Variants in ASB1 observed in about 807,000 individuals in gnomAD.
ASB1 encodes ankyrin repeat and SOCS box protein 1.
ASB1 carries 18 observed loss-of-function variants against 27.7 expected under a neutral mutation model. That is an observed-to-expected ratio of 0.65 (90% confidence interval 0.45 to 0.96). The LOEUF (loss-of-function observed/expected upper bound fraction) is 0.96. ASB1 is among the 50% of genes least tolerant of loss of function. ASB1 has a pLI of 0.00. For missense variants in ASB1, 397 were observed against 451.7 expected (o/e 0.88, Z 1.10); for synonymous variants, 189 against 187.6 (o/e 1.01, Z -0.06).
At chr2:238,431,345 T>C (rs1325603035) in intron 1 of ASB1, among the ~76,000 whole-genome samples, 1 of 152,216 alleles carries the variant, frequency 6.6e-6, no homozygotes, top group Non-Finnish European at 1.5e-5. Context: ...TCAGGCTTCA[T>C]AGAATTGGAG....
At chr2:238,444,774 A>G (rs762971450) in intron 4 of ASB1, 47 bp downstream of exon 4, 9 of 1,517,824 alleles carry the variant, frequency 5.9e-6, no homozygotes, top group Admixed American at 2.2e-5. Context: ...GGTTGATTGA[A>G]TGAATCAAGA....
intron 3 of ASB1, among the ~76,000 whole-genome samples, chr2:238,441,091 G>A (rs968646726): frequency 1.3e-5 from 2 of 152,140 alleles, no homozygotes; most frequent in Admixed American, 6.5e-5. Context: ...GCATCATGGC[G>A]CCAGCTGGAT....
chr2:238,450,575 C>G lies in ASB1; in HGVS notation c.*4064C>G, dbSNP rs1336280250. On this transcript the variant is annotated 3_prime_UTR_variant, in exon 5 of 5. Coordinates refer to ENST00000264607, the MANE Select transcript of ASB1 (RefSeq NM_001040445.3). ...ATTGGTGAGAAATTCCTCTTGGGTT[C>G]TTGAACAGCCTGTACGCTGGCAGGC... is the stretch of plus-strand genomic sequence containing the variant. The G allele has an allele frequency of 1.3e-5, 2 of 152,254 alleles. No homozygotes were observed. The highest frequency in any genetic ancestry group is 1.3e-4 in the Admixed American group (2 of 15,288). 9.4% of individuals were successfully genotyped at this position (152,254 alleles called of 1,614,324 possible). A position where few individuals can be genotyped will look rare whatever the true frequency, so the allele number is the denominator to read the frequency against.
chr2:238,434,538 CAAGAA>C (rs1354843365), intron 2 of ASB1, among the ~76,000 whole-genome samples: 1 of 152,212 alleles, frequency 6.6e-6, no homozygotes, highest in Non-Finnish European at 1.5e-5. Context: ...GCATAGTTCC[CAAGAA>C]AAGGATTTCT....
chr2:238,437,184 A>G (rs1175699297), intron 3 of ASB1, among the ~76,000 whole-genome samples: 1 of 151,296 alleles, frequency 6.6e-6, no homozygotes, highest in Non-Finnish European at 1.5e-5. Flanking sequence ...TTCTTCTTAT[A>G]TGTTGTTTTT....
chr2:238,427,012 C>G lies in ASB1; in HGVS notation c.-59C>G. On this transcript the variant is annotated 5_prime_UTR_variant, in exon 1 of 5. Coordinates refer to ENST00000264607, the MANE Select transcript of ASB1 (RefSeq NM_001040445.3). ...GCGCCGGAAGTGGTCGCGGGTCGTT[C>G]TGCTTCCTGCCCGAGGGGCGTGCGC... 1 of 1,221,656 alleles carries G rather than the reference C, an allele frequency of 8.2e-7. No homozygotes were observed. Among genetic ancestry groups the G allele is most frequent in the Non-Finnish European group, 1.0e-6 (1 of 977,530 alleles). 75.7% of individuals were successfully genotyped at this position (1,221,656 alleles called of 1,614,324 possible).
intron 3 of ASB1, among the ~76,000 whole-genome samples, chr2:238,442,590 T>A (rs1702099470): frequency 6.6e-6 from 1 of 152,250 alleles, no homozygotes; most frequent in Non-Finnish European, 1.5e-5. Flanking sequence ...AAAATTTTCA[T>A]GTTAAAAACA....
intron 1 of ASB1, among the ~76,000 whole-genome samples, chr2:238,429,637 T>C (rs533749602): frequency 5.9e-5 from 9 of 152,272 alleles, no homozygotes; most frequent in Admixed American, 4.6e-4. Context: ...TATGATCTAT[T>C]AAGAGTGTAA....
chr2:238,436,957 C>G (rs946491155), intron 3 of ASB1, among the ~76,000 whole-genome samples: 1 of 152,150 alleles, frequency 6.6e-6, no homozygotes, highest in African/African-American at 2.4e-5. Context: ...TCTATCAAAA[C>G]AAGAGTACTA....
chr2:238,436,743 T>C (rs1701979256), intron 3 of ASB1, among the ~76,000 whole-genome samples: 1 of 148,994 alleles, frequency 6.7e-6, no homozygotes, highest in South Asian at 2.1e-4. Context: ...TGTTTACATA[T>C]TATACTTTGT....
At chr2:238,444,881 C>T (rs2106410354) in intron 4 of ASB1, among the ~76,000 whole-genome samples, 154 bp downstream of exon 4, 1 of 152,064 alleles carries the variant, frequency 6.6e-6, no homozygotes. Context: ...TCAGATTGAT[C>T]TTCTCTTTTT....
chr2:238,434,548 A>T (rs1375595727), intron 2 of ASB1, among the ~76,000 whole-genome samples: 1 of 152,230 alleles, frequency 6.6e-6, no homozygotes, highest in Non-Finnish European at 1.5e-5. Context: ...CAAGAAAAGG[A>T]TTTCTAACAG....
intron 3 of ASB1, among the ~76,000 whole-genome samples, chr2:238,439,718 G>A (rs1272657441): frequency 2.0e-5 from 3 of 152,150 alleles, no homozygotes; most frequent in African/African-American, 4.8e-5. Flanking sequence ...GGCAGGAATC[G>A]CAAAGGGAGG....
rs571770869 is a variant in ASB1 at position 238,429,577 on chromosome 2, A to G, written c.49+2458A>G. On this transcript the variant is annotated intron_variant, in intron 1 of 4. Coordinates refer to ENST00000264607, the MANE Select transcript of ASB1 (RefSeq NM_001040445.3). ...TGAATACTGCAGTAAACCAAGTCAC[A>G]TGAAATTTTTGGTTTCCCAGTGCAT... Among the ~76,000 whole-genome samples the G allele has an allele frequency of 7.2e-5, 11 of 152,304 alleles. No individual in the cohort carries two copies. In the South Asian group the frequency reaches 2.3e-3, roughly 32 times the overall value.
chr2:238,449,153 A>G lies in ASB1; in HGVS notation c.*2642A>G, dbSNP rs1054007750. ...GAATCTGAAAACAGGGTGGGTAGCT[A>G]AGGTCATTCCTCCTGGGTTTTAGTG... is the stretch of plus-strand genomic sequence containing the variant. On this transcript the variant is annotated 3_prime_UTR_variant, in exon 5 of 5. Transcript: ENST00000264607. The G allele has an allele frequency of 2.1e-4, 32 of 152,366 alleles. No individual in the cohort carries two copies. The highest frequency in any genetic ancestry group is 6.0e-4 in the African/African-American group (25 of 41,574). The allele number at this position is 152,366 out of a possible 1,614,324, so 9.4% of individuals were successfully genotyped here. A position where few individuals can be genotyped will look rare whatever the true frequency, so the allele number is the denominator to read the frequency against.
chr2:238,429,068 G>A (rs1038110191), intron 1 of ASB1, among the ~76,000 whole-genome samples: 5 of 152,222 alleles, frequency 3.3e-5, no homozygotes, highest in African/African-American at 1.2e-4. Context: ...TGTGGGATCA[G>A]CATGAGCAAC....
intron 3 of ASB1, among the ~76,000 whole-genome samples, chr2:238,440,632 C>T (rs1559414894): frequency 6.6e-6 from 1 of 152,158 alleles, no homozygotes; most frequent in East Asian, 1.9e-4. Flanking sequence ...TGAGCCAGGG[C>T]CCCCTCATTG....
At chr2:238,445,734 C>A (rs568051357) in intron 4 of ASB1, among the ~76,000 whole-genome samples, 1 of 152,282 alleles carries the variant, frequency 6.6e-6, no homozygotes, top group African/African-American at 2.4e-5. Flanking sequence ...ACTTTAAATT[C>A]ATTGTGTTTT....
chr2:238,434,808 TCTC>T (rs1701935680), intron 2 of ASB1, among the ~76,000 whole-genome samples: 2 of 152,320 alleles, frequency 1.3e-5, no homozygotes, highest in East Asian at 1.9e-4. Context: ...CAGCACTGTT[TCTC>T]CTCCTTCTTT....
Sources: gnomAD v4.1 joint callset for allele counts (sites outside exome capture counted in the v4.1 genomes callset) on GRCh38, gnomAD v4.1.1 for gene constraint, MANE v1.5 for transcripts, NCBI Gene and HGNC (gene_info 2026-07-23, HGNC 2026-07-21) for gene names.